The following CTNNA2 variants were observed in gnomAD, a reference collection of about 807,000 sequenced individuals.
CTNNA2 encodes the protein catenin alpha 2.
In CTNNA2, 42 loss-of-function variants were observed where a neutral mutation model predicts 101.0. The ratio of observed to expected loss-of-function variants is 0.42; its 90% CI spans 0.32 to 0.54. CTNNA2 has a LOEUF of 0.54. Among genes scored for constraint, CTNNA2 ranks in the 20% least tolerant of loss-of-function variants. The pLI, the probability that CTNNA2 is intolerant of heterozygous loss-of-function variation, is 0.14. For synonymous variants in CTNNA2, 450 were observed against 456.4 expected, an observed-to-expected ratio of 0.99 and a Z score of 0.18; for missense variants, 871 against 1,223.1, an observed-to-expected ratio of 0.71 and a Z score of 4.29.
chr2:80,242,934 G>A lies in CTNNA2; in HGVS notation c.1057-150277G>A, dbSNP rs147535825. ...GGACCACTGGAGGAGAGAGGCGGAG[G>A]GAGCAGCAAAGGGCCAGAAACAGTT... On this transcript the variant is annotated intron_variant, in intron 7 of 18. Transcript: ENST00000402739. Among the ~76,000 whole-genome samples, 250 of 152,238 alleles carry A rather than the reference G, an allele frequency of 1.6e-3. 3 individuals carry two copies. The highest frequency in any genetic ancestry group is 0.014 in the East Asian group (72 of 5,170).
intron 8 of CTNNA2, among the ~76,000 whole-genome samples, chr2:80,419,029 G>T (rs1222235072): frequency 6.6e-6 from 1 of 152,178 alleles, no homozygotes; most frequent in African/African-American, 2.4e-5. Flanking sequence ...CAGTGGCCAA[G>T]TTTCACGGTT....
rs1677843885 is a variant in CTNNA2 at position 79,819,526 on chromosome 2, G to T, written c.299-38487G>T. Among the ~76,000 whole-genome samples, 4 of 152,180 alleles carry T rather than the reference G, an allele frequency of 2.6e-5. 1 individual carries two copies. The highest frequency in any genetic ancestry group is 7.2e-5 in the African/African-American group (3 of 41,440). On this transcript the variant is annotated intron_variant, in intron 3 of 18. Coordinates refer to ENST00000402739, the MANE Select transcript of CTNNA2 (RefSeq NM_001282597.3). Reference sequence around the variant, plus strand: ...TGCCTAGAGTTTGTTCTATGTGTGAGTCTCTCAGGTACTTGAATGTTTGTA... The same window carrying T: ...TGCCTAGAGTTTGTTCTATGTGTGATTCTCTCAGGTACTTGAATGTTTGTA...
chr2:80,105,063 A>G (rs1700793348), intron 7 of CTNNA2, among the ~76,000 whole-genome samples: 1 of 152,220 alleles, frequency 6.6e-6, no homozygotes, highest in South Asian at 2.1e-4. Flanking sequence ...CTTCTTCAAA[A>G]TGAAAGGAAA....
intron 7 of CTNNA2, among the ~76,000 whole-genome samples, chr2:80,206,357 G>A (rs890689761): frequency 3.3e-5 from 5 of 152,210 alleles, no homozygotes; most frequent in African/African-American, 9.7e-5. Flanking sequence ...CTCACACACA[G>A]TGGGATTAGA....
chr2:79,518,243 G>C (rs955663952), intron 1 of CTNNA2, among the ~76,000 whole-genome samples: 4 of 152,212 alleles, frequency 2.6e-5, no homozygotes, highest in African/African-American at 9.6e-5. Flanking sequence ...AGGCAGTTTT[G>C]GGGGAAGCCA....
In CTNNA2 at chr2:79,471,703, T is replaced by C. The variant is rs887531032; in HGVS notation, c.-134-33351T>C. On this transcript the variant is annotated intron_variant, in intron 4 of 21. Transcript: ENST00000466387. ...AATACAAAAAATTAGCTGGGCATGG[T>C]GGTGGGTGCCTGTAGTCCCAGCTAT... Among the ~76,000 whole-genome samples, 4 of 152,022 alleles carry C rather than the reference T, an allele frequency of 2.6e-5. No individual in the cohort carries two copies. The South Asian group carries it at 6.2e-4, about 24-fold the overall frequency.
intron 4 of CTNNA2, among the ~76,000 whole-genome samples, chr2:79,459,297 G>A (rs1175081501): frequency 6.6e-6 from 1 of 151,832 alleles, no homozygotes; most frequent in African/African-American, 2.4e-5. Context: ...AAATAATCTA[G>A]TTTACTTTTA....
chr2:79,196,065 T>C (rs568199607), intron 1 of CTNNA2, among the ~76,000 whole-genome samples: 28 of 152,218 alleles, frequency 1.8e-4, no homozygotes, highest in African/African-American at 5.8e-4. Flanking sequence ...GCCTCCTGAG[T>C]AGCTGGGATT....
intron 7 of CTNNA2, among the ~76,000 whole-genome samples, chr2:80,311,366 C>G (rs1199426186): frequency 6.6e-6 from 1 of 152,228 alleles, no homozygotes; most frequent in Non-Finnish European, 1.5e-5. Flanking sequence ...CCCCATGATA[C>G]CATAAATTAA....
intron 4 of CTNNA2, among the ~76,000 whole-genome samples, chr2:79,472,592 T>C (rs993024272): frequency 1.1e-4 from 16 of 152,184 alleles, no homozygotes; most frequent in Admixed American, 1.0e-3. Flanking sequence ...TTTTGCCCCT[T>C]TCAGTTCAAA....
chr2:79,920,856 C>G (rs992183708), intron 7 of CTNNA2, among the ~76,000 whole-genome samples: 1 of 152,174 alleles, frequency 6.6e-6, no homozygotes, highest in African/African-American at 2.4e-5. Flanking sequence ...CTTTTCAGTT[C>G]AAAGGGCTCC....
chr2:80,324,797 T>TC (rs2149252347), intron 7 of CTNNA2, among the ~76,000 whole-genome samples: 1 of 152,228 alleles, frequency 6.6e-6, no homozygotes, highest in South Asian at 2.1e-4. Context: ...TCCTTTGATC[T>TC]CCCCCATGCG....
At chr2:80,501,601 T>G (rs1447893433) in intron 9 of CTNNA2, among the ~76,000 whole-genome samples, 1 of 152,212 alleles carries the variant, frequency 6.6e-6, no homozygotes, top group Non-Finnish European at 1.5e-5. Flanking sequence ...CTTATGAAGT[T>G]GTATCTTGGG....
chr2:79,322,071 CTAAT>C (rs1431242610), intron 3 of CTNNA2, among the ~76,000 whole-genome samples: 3 of 152,172 alleles, frequency 2.0e-5, no homozygotes, highest in African/African-American at 4.8e-5. Flanking sequence ...ATCACAGAAA[CTAAT>C]TAGGGAACAA....
At chr2:80,162,655 G>A (rs1038285200) in intron 7 of CTNNA2, 8 of 1,612,100 alleles carry the variant, frequency 5.0e-6, no homozygotes, top group African/African-American at 2.7e-5. Flanking sequence ...CTGACTTTAC[G>A]CTGTGATGAT....
intron 6 of CTNNA2, among the ~76,000 whole-genome samples, chr2:79,877,932 G>A (rs1319827475): frequency 6.6e-6 from 1 of 152,060 alleles, no homozygotes; most frequent in Non-Finnish European, 1.5e-5. Flanking sequence ...GTGATTTGCT[G>A]CACCTATTGA....
chr2:79,573,232 G>T (rs548557312), intron 1 of CTNNA2, among the ~76,000 whole-genome samples: 83 of 152,234 alleles, frequency 5.5e-4, no homozygotes, highest in African/African-American at 1.8e-3. Context: ...TCCTTACAAC[G>T]AACTTTTTTT....
At chr2:79,431,447 G>A (rs1678658202) in intron 4 of CTNNA2, among the ~76,000 whole-genome samples, 1 of 152,072 alleles carries the variant, frequency 6.6e-6, no homozygotes, top group Non-Finnish European at 1.5e-5. Flanking sequence ...CTGAAATCTA[G>A]ACTAAAAGGG....
chr2:79,491,202 A>G (rs1170915716), intron 4 of CTNNA2, among the ~76,000 whole-genome samples: 1 of 152,170 alleles, frequency 6.6e-6, no homozygotes. Context: ...TCCTCTAAGT[A>G]TCCATTTTAT....
Sources: allele counts gnomAD v4.1 joint callset (sites outside exome capture counted in the v4.1 genomes callset), GRCh38; gene constraint gnomAD v4.1.1; transcripts MANE v1.5; gene names NCBI Gene and HGNC (gene_info 2026-07-23, HGNC 2026-07-21).